RGS6: variants seen among roughly 807,000 people sequenced by gnomAD.
The protein encoded by RGS6 is regulator of G-protein signaling 6.
Under a neutral mutation model 78.5 loss-of-function variants are expected in RGS6, and 30 were observed. The observed-to-expected ratio is 0.38, with a 90% CI of 0.29 to 0.52. RGS6 has a LOEUF of 0.52. Among genes scored for constraint, RGS6 ranks in the 20% least tolerant of loss-of-function variants. The pLI is 0.85. For synonymous variants in RGS6, 206 were observed against 206.0 expected (o/e 1.00, Z 0.00); for missense variants, 495 against 609.7 (o/e 0.81, Z 1.98).
chr14:72,310,632 C>T (rs1169964310), intron 2 of RGS6, among the ~76,000 whole-genome samples: 1 of 152,160 alleles, frequency 6.6e-6, no homozygotes, highest in Non-Finnish European at 1.5e-5. Context: ...CATGGAGTGC[C>T]CTTTCTGAAA....
At chr14:72,475,112 G>A (rs2096203161) in intron 10 of RGS6, among the ~76,000 whole-genome samples, 1 of 152,124 alleles carries the variant, frequency 6.6e-6, no homozygotes, top group Admixed American at 6.6e-5. Flanking sequence ...TGGCAGGGAG[G>A]GGAGGAAACA....
At chr14:72,620,396 C>CAG in the RGS6 span, among the ~76,000 whole-genome samples, 1 of 152,198 alleles carries the variant, frequency 6.6e-6, no homozygotes, top group Non-Finnish European at 1.5e-5. Flanking sequence ...TTCTGGACTC[C>CAG]ACTCTCTCCA....
intron 2 of RGS6, among the ~76,000 whole-genome samples, chr14:72,115,735 G>A (rs2095871453): frequency 6.6e-6 from 1 of 152,214 alleles, no homozygotes; most frequent in African/African-American, 2.4e-5. Context: ...CATATGAAAT[G>A]CCTCTTAGGG....
rs754637956 is a variant in RGS6 at position 72,472,838 on chromosome 14, G to T, written c.537-34G>T. The T allele has an allele frequency of 2.0e-6, 3 of 1,483,556 alleles. No individual in the cohort carries two copies. In the South Asian group the frequency reaches 3.5e-5, roughly 17 times the overall value. 91.9% of individuals were successfully genotyped at this position (1,483,556 alleles called of 1,614,324 possible). On this transcript the variant is annotated intron_variant, in intron 8 of 17. Coordinates refer to ENST00000553525, the MANE Select transcript of RGS6 (RefSeq NM_001204424.2). ...GTCAGAAGGGAAAACAGAATACAGA[G>T]CTTCTTATTTCCTTCCTCTCTTTAC...
intron 2 of RGS6, among the ~76,000 whole-genome samples, chr14:72,156,629 G>A (rs2096776012): frequency 6.6e-6 from 1 of 152,170 alleles, no homozygotes; most frequent in Non-Finnish European, 1.5e-5. Context: ...TGTCTGCTAA[G>A]AGTTAGATTG....
chr14:72,276,705 T>C (rs931747575), intron 2 of RGS6, among the ~76,000 whole-genome samples: 3 of 152,204 alleles, frequency 2.0e-5, no homozygotes, highest in Non-Finnish European at 2.9e-5. Flanking sequence ...ATTTTCCTTC[T>C]TGCCTATTGC....
At chr14:72,388,039 C>G (rs976188621) in intron 3 of RGS6, among the ~76,000 whole-genome samples, 10 of 152,132 alleles carry the variant, frequency 6.6e-5, no homozygotes, top group Non-Finnish European at 1.5e-4. Context: ...TTTGAGGACC[C>G]TATCTCTAAA....
intron 2 of RGS6, among the ~76,000 whole-genome samples, chr14:72,184,324 C>A (rs2097210001): frequency 6.6e-6 from 1 of 150,870 alleles, no homozygotes. Context: ...AAAGTACTGG[C>A]ACAAAGTGAT....
Position 72,257,875 on chromosome 14 carries a change from C to G in RGS6, c.85-94220C>G, listed in dbSNP as rs926931270. On this transcript the variant is annotated intron_variant, in intron 2 of 17. Coordinates refer to ENST00000553525, the MANE Select transcript of RGS6 (RefSeq NM_001204424.2). Reference sequence around the variant, plus strand: ...ATGAAGTCAATGGAAAAGAAGAGTTCTACTGCTTAAACAAGTTTAAAAACC... The same window carrying G: ...ATGAAGTCAATGGAAAAGAAGAGTTGTACTGCTTAAACAAGTTTAAAAACC... 2.6e-5 allele frequency among the ~76,000 whole-genome samples: 4 copies of G among 152,140 alleles called. 1 individual carries two copies. The South Asian group carries it at 6.2e-4, about 24-fold the overall frequency.
At chr14:72,219,533 C>G (rs948046101) in intron 2 of RGS6, among the ~76,000 whole-genome samples, 2 of 152,078 alleles carry the variant, frequency 1.3e-5, no homozygotes, top group Non-Finnish European at 2.9e-5. Flanking sequence ...TGATAACTTA[C>G]CTGTTATTAT....
At chr14:72,569,404 GCACAGTGGCT>G (rs1297670300), downstream of RGS6, among the ~76,000 whole-genome samples, 1 of 152,134 alleles carries the variant, frequency 6.6e-6, no homozygotes, top group East Asian at 1.9e-4. Flanking sequence ...TACAAGCCAG[GCACAGTGGCT>G]CACACCTGTA....
At chr14:72,544,422 C>T (rs2097365338) in intron 17 of RGS6, among the ~76,000 whole-genome samples, 1 of 152,168 alleles carries the variant, frequency 6.6e-6, no homozygotes, top group Non-Finnish European at 1.5e-5. Context: ...TTGAGAGCTT[C>T]ATCAGCTCCA....
intron 2 of RGS6, among the ~76,000 whole-genome samples, chr14:72,185,576 T>C (rs988890886): frequency 1.3e-5 from 2 of 151,750 alleles, no homozygotes; most frequent in Non-Finnish European, 2.9e-5. Context: ...TAGTGTAGAG[T>C]GTGAATTATT....
the RGS6 span, among the ~76,000 whole-genome samples, chr14:72,579,500 T>A: frequency 6.6e-6 from 1 of 152,184 alleles, no homozygotes; most frequent in African/African-American, 2.4e-5. Context: ...AAATGTCTAG[T>A]CCTATTGTCG....
chr14:71,966,736 G>A (rs936816585), intron 2 of RGS6, among the ~76,000 whole-genome samples: 11 of 152,318 alleles, frequency 7.2e-5, no homozygotes, highest in Admixed American at 2.6e-4. Context: ...AATGTGGTCC[G>A]TAATGAATAT....
At chr14:71,915,589 A>G in the RGS6 span, among the ~76,000 whole-genome samples, 11 of 152,104 alleles carry the variant, frequency 7.2e-5, no homozygotes, top group African/African-American at 1.4e-4. Context: ...TGTATAGCCT[A>G]TGTCAGTTAT....
At chr14:72,605,788 C>A in the RGS6 span, among the ~76,000 whole-genome samples, 3 of 152,220 alleles carry the variant, frequency 2.0e-5, no homozygotes, top group Admixed American at 6.5e-5. Context: ...GGGCTACATC[C>A]ATTTGTGCAT....
chr14:72,135,627 T>C (rs1165056174), intron 2 of RGS6, among the ~76,000 whole-genome samples: 4 of 151,914 alleles, frequency 2.6e-5, no homozygotes, highest in Non-Finnish European at 5.9e-5. Flanking sequence ...CTTTTTTTTT[T>C]CCTGCTAAAC....
the RGS6 span, among the ~76,000 whole-genome samples, chr14:71,888,431 AAAG>A: frequency 2.1e-5 from 3 of 143,520 alleles, no homozygotes; most frequent in African/African-American, 5.1e-5. Flanking sequence ...AAAAAAAAAA[AAAG>A]AAGAAGAAGA....
Sources: allele counts gnomAD v4.1 joint callset (sites outside exome capture counted in the v4.1 genomes callset), GRCh38; gene constraint gnomAD v4.1.1; transcripts MANE v1.5; gene names NCBI Gene and HGNC (gene_info 2026-07-23, HGNC 2026-07-21).